The following CHERP variants were observed in gnomAD, a reference collection of about 807,000 sequenced individuals.
The protein encoded by CHERP is calcium homeostasis endoplasmic reticulum protein, also known as ERPROT 213-21.
Under a neutral mutation model 113.8 loss-of-function variants are expected in CHERP, and 8 were observed. That is an observed-to-expected ratio of 0.07 (90% CI 0.04 to 0.13). The LOEUF is 0.13. Ranked by LOEUF, CHERP falls within the 10% of genes least tolerant of loss-of-function variation. The probability of loss-of-function intolerance (pLI) is 1.00; values close to 1 mark genes in which losing one functional copy is unlikely to be tolerated. For synonymous variants in CHERP, 559 were observed against 524.5 expected (o/e 1.07, Z -0.90); for missense variants, 884 against 1,298.2 (o/e 0.68, Z 4.90).
Position 16,519,345 on chromosome 19 carries a change from G to T in CHERP, c.2565C>A (p.Ser855Arg). The T allele has an allele frequency of 6.2e-7, 1 of 1,610,404 alleles. No individual in the cohort carries two copies. Among genetic ancestry groups the T allele is most frequent in the South Asian group, 1.1e-5 (1 of 90,818 alleles). The change falls in exon 17 of 17, where the codon AGC (serine) becomes AGA (arginine). Residue 855 changes from serine to arginine, a missense_variant. By Grantham distance (110) the Ser-to-Arg change is moderately radical. Around this residue, in one of 8 missense-constraint regions of CHERP, gnomAD observed 42 missense variants for 105.1 expected, o/e 0.40. Transcript: ENST00000546361. This position sits in a 1 kb window ranked among gnomAD's most constrained non-coding sequence, Gnocchi z 6.0. Reference sequence around the variant, plus strand: ...CCTTCGCACCGAGGCCGCCTGAGCCGCTCCAGCCTGGAAACAGAGACGCAG... The same window carrying T: ...CCTTCGCACCGAGGCCGCCTGAGCCTCTCCAGCCTGGAAACAGAGACGCAG... Reference protein sequence around the residue: ...GHQMLVKMGWSGSGGLGAKEQ... With the variant: ...GHQMLVKMGWRGSGGLGAKEQ...
In CHERP at chr19:16,532,405, C is replaced by T. The variant is rs1011862464; in HGVS notation, c.674+193G>A. 4 of 644,464 alleles carry T rather than the reference C, an allele frequency of 6.2e-6. No individual in the cohort carries two copies. The highest frequency in any genetic ancestry group is 4.0e-5 in the South Asian group (2 of 50,048). The allele number at this position is 644,464 out of a possible 1,614,324, so 39.9% of individuals were successfully genotyped here. Reference sequence around the variant, plus strand: ...GGGCATGCAGCGAAGGTGCACAGGACACCTAGACCTCGCAGTCCTGGAGAC... The same window carrying T: ...GGGCATGCAGCGAAGGTGCACAGGATACCTAGACCTCGCAGTCCTGGAGAC... On this transcript the variant is annotated intron_variant, in intron 5 of 16. Coordinates refer to ENST00000546361, the MANE Select transcript of CHERP (RefSeq NM_006387.6). The surrounding 1 kb of genome is among the most constrained non-coding windows in gnomAD (Gnocchi z 4.4).
At position 16,526,139 on chromosome 19, in the gene CHERP, C is replaced by G. The variant is rs371016287; in HGVS notation, c.1306-462G>C. ...CACTCCCCCTCTCCCCAAAAGCCGTCTGCTGGGCAGATACACTGCGGCACA... is the reference window on the plus strand; with the variant it reads ...CACTCCCCCTCTCCCCAAAAGCCGTGTGCTGGGCAGATACACTGCGGCACA... On this transcript the variant is annotated intron_variant, in intron 9 of 16. Coordinates refer to ENST00000546361, the MANE Select transcript of CHERP (RefSeq NM_006387.6). The G allele has an allele frequency of 2.3e-4, 39 of 167,054 alleles. No homozygotes were observed. In the South Asian group the frequency reaches 5.8e-3, roughly 25 times the overall value. The allele number at this position is 167,054 out of a possible 1,614,324, so 10.3% of individuals were successfully genotyped here.
In CHERP at chr19:16,535,728, T is replaced by A; in HGVS notation, c.200-92A>T. On this transcript the variant is annotated intron_variant, in intron 2 of 16. Transcript: ENST00000546361. This position sits in a 1 kb window ranked among gnomAD's most constrained non-coding sequence, Gnocchi z 4.3. The stretch of plus-strand genomic sequence containing the variant: ...CCTCTCAGCCACAGGGGCCTCCCCC[T>A]CCCCAGGGACTCACCATCCACGAGG... The A allele has an allele frequency of 8.0e-7, 1 of 1,246,888 alleles. No individual in the cohort carries two copies. The highest frequency in any genetic ancestry group is 1.1e-6 in the Non-Finnish European group (1 of 927,528). 77.2% of individuals were successfully genotyped at this position (1,246,888 alleles called of 1,614,324 possible).
Position 16,532,905 on chromosome 19 carries a change from GA to G in CHERP, c.522+105del. 6.6e-7 allele frequency: 1 copy of G among 1,508,756 alleles called. No homozygotes were observed. Among genetic ancestry groups the G allele is most frequent in the Non-Finnish European group, 8.9e-7 (1 of 1,119,648 alleles). The allele number at this position is 1,508,756 out of a possible 1,614,324, so 93.5% of individuals were successfully genotyped here. Reference sequence around the variant, plus strand: ...AGCCTCAGGAGCTCCAGGCGGGAGGGAAGGGCACCCATTGTAACAGCCCTTA... The same window carrying G: ...AGCCTCAGGAGCTCCAGGCGGGAGGGAGGGCACCCATTGTAACAGCCCTTA... On this transcript the variant is annotated intron_variant, in intron 4 of 16. Transcript: ENST00000546361. The surrounding 1 kb of genome is among the most constrained non-coding windows in gnomAD (Gnocchi z 4.4).
intron 3 of CHERP, among the ~76,000 whole-genome samples, 198 bp from the exon 4 acceptor site, chr19:16,533,346 TC>T (rs2085719934): frequency 6.6e-6 from 1 of 152,180 alleles, no homozygotes; most frequent in South Asian, 2.1e-4. Context: ...TCTGTGACAG[TC>T]CCTCCTGGAG....
At chr19:16,541,164 G>A (rs1246732894) in intron 2 of CHERP, 1 of 152,146 alleles carries the variant, frequency 6.6e-6, no homozygotes, top group African/African-American at 2.4e-5. Context: ...CACAATTGGC[G>A]TTCGATCAAA....
Position 16,533,141 on chromosome 19 carries a change from A to T in CHERP, c.392T>A (p.Val131Glu). The T allele has an allele frequency of 6.3e-7, 1 of 1,586,164 alleles. No individual in the cohort carries two copies. Among genetic ancestry groups the T allele is most frequent in the Non-Finnish European group, 8.6e-7 (1 of 1,166,586 alleles). Residue 131 changes from valine (V) to glutamate (E), a missense_variant, in exon 4 of 17, where the codon GTG becomes GAG. This residue lies in a region of CHERP where 109 missense variants were observed against 134.2 expected (regional missense o/e 0.81). Transcript: ENST00000546361. ...CACCGCGTGGGCCACGGCCGCTGTC[A>T]CTTGCTCCTGCGGGCGGGGGTCGGT... ...QHLLALRQEQ[V>E]TAAVAHAVEQ...
In CHERP at chr19:16,526,762, A is replaced by G. The variant is rs376116324; in HGVS notation, c.1306-1085T>C. ...ATTACAGGCGTTAGCCACCACGCCC[A>G]GCCTTGCTTTTCTTTTTTAGAGACA... On this transcript the variant is annotated intron_variant, in intron 9 of 16. Coordinates refer to ENST00000546361, the MANE Select transcript of CHERP (RefSeq NM_006387.6). Among the ~76,000 whole-genome samples, 4 of 151,126 alleles carry G rather than the reference A, an allele frequency of 2.6e-5. No individual in the cohort carries two copies. The East Asian group carries it at 5.9e-4, about 22-fold the overall frequency.
rs1391707816 is a variant in CHERP, at chr19:16,525,861, A to G, written c.1306-184T>C. On this transcript the variant is annotated intron_variant, in intron 9 of 16. Coordinates refer to ENST00000546361, the MANE Select transcript of CHERP (RefSeq NM_006387.6). The surrounding 1 kb of genome is among the most constrained non-coding windows in gnomAD (Gnocchi z 6.5). ...GGCACCTGCTCTCAGCCCGCACCAC[A>G]TGCTGCTGCAAAATGACCAGACACC... Among the ~76,000 whole-genome samples, 3 of 152,016 alleles carry G rather than the reference A, an allele frequency of 2.0e-5. No homozygotes were observed. Among genetic ancestry groups the G allele is most frequent in the Admixed American group, 1.3e-4 (2 of 15,272 alleles).
chr19:16,520,616 A>G lies in CHERP; in HGVS notation c.2202-109T>C. The G allele has an allele frequency of 7.6e-7, 1 of 1,311,838 alleles. No individual in the cohort carries two copies. The highest frequency in any genetic ancestry group is 1.3e-5 in the South Asian group (1 of 74,434). 81.3% of individuals were successfully genotyped at this position (1,311,838 alleles called of 1,614,324 possible). On this transcript the variant is annotated intron_variant, in intron 13 of 16. Transcript: ENST00000546361. This position sits in a 1 kb window ranked among gnomAD's most constrained non-coding sequence, Gnocchi z 4.0. ...CCAGATGCAGGGGCTCTGGCTGTGG[A>G]TGTGGCGCCATAGCCACAGCAACGG...
In CHERP at chr19:16,532,207, G is replaced by A. The variant is rs568864001; in HGVS notation, c.674+391C>T. On this transcript the variant is annotated intron_variant, in intron 5 of 16. Coordinates refer to ENST00000546361, the MANE Select transcript of CHERP (RefSeq NM_006387.6). This position sits in a 1 kb window ranked among gnomAD's most constrained non-coding sequence, Gnocchi z 4.4. ...AAGTCAGGTGACCGCGTGTGTGTGC[G>A]TGCAAATCAGTGACGAGGGCAGGAG... 6 of 189,670 alleles carry A rather than the reference G, an allele frequency of 3.2e-5. No homozygotes were observed. In the East Asian group the frequency reaches 4.4e-4, roughly 14 times the overall value. The allele number at this position is 189,670 out of a possible 1,614,324, so 11.7% of individuals were successfully genotyped here. A position where few individuals can be genotyped will look rare whatever the true frequency, so the allele number is the denominator to read the frequency against.
At chr19:16,522,532 T>G (rs1051153192) in intron 11 of CHERP, among the ~76,000 whole-genome samples, 3 of 152,156 alleles carry the variant, frequency 2.0e-5, no homozygotes, top group African/African-American at 7.2e-5. Context: ...GTGCTGGGAT[T>G]ACAGGTGTGA....
At chr19:16,540,475 C>G (rs1039219960) in intron 2 of CHERP, among the ~76,000 whole-genome samples, 1 of 151,550 alleles carries the variant, frequency 6.6e-6, no homozygotes, top group African/African-American at 2.4e-5. Flanking sequence ...CAGGTTCAAG[C>G]GATTCTTCTG....
At chr19:16,539,205 T>C (rs1348372282) in intron 2 of CHERP, among the ~76,000 whole-genome samples, 2 of 147,780 alleles carry the variant, frequency 1.4e-5, no homozygotes, top group African/African-American at 5.1e-5. Context: ...TGGAGTGCAG[T>C]GGTGCGATCT....
In CHERP at chr19:16,529,752, AGCTGCTGCTGCTGCTGTTGCTGCTGCT is replaced by A; in HGVS notation, c.998_1024del (p.Gln333_Gln341del). ...TTCAGCCTCCATCTGCGGCATCTGGAGCTGCTGCTGCTGCTGTTGCTGCTGCTGCTGCTGCTGGGCCAGGCTGGTGAC... is the reference window on the plus strand; with the variant it reads ...TTCAGCCTCCATCTGCGGCATCTGGAGCTGCTGCTGGGCCAGGCTGGTGAC... On this transcript the variant is annotated inframe_deletion, in exon 8 of 17. Coordinates refer to ENST00000546361, the MANE Select transcript of CHERP (RefSeq NM_006387.6). 1 of 1,611,706 alleles carries A rather than the reference AGCTGCTGCTGCTGCTGTTGCTGCTGCT, an allele frequency of 6.2e-7. No individual in the cohort carries two copies. Among genetic ancestry groups the A allele is most frequent in the South Asian group, 1.1e-5 (1 of 90,996 alleles).
intron 5 of CHERP, among the ~76,000 whole-genome samples, chr19:16,531,660 CTG>C (rs1484558703): frequency 2.0e-5 from 3 of 152,208 alleles, no homozygotes; most frequent in African/African-American, 4.8e-5. Flanking sequence ...ATGCGGGAAA[CTG>C]TGCATCCGTG....
Position 16,542,340 on chromosome 19 carries a change from G to T in CHERP, c.25+14C>A, listed in dbSNP as rs763326954. On this transcript the variant is annotated intron_variant, in intron 1 of 16. Coordinates refer to ENST00000546361, the MANE Select transcript of CHERP (RefSeq NM_006387.6). ...GGGAGAGAGAAACGGTCTCTCGGCC[G>T]GTTTGGGTCTCACCATCGGGGGGCA... 3 of 1,414,344 alleles carry T rather than the reference G, an allele frequency of 2.1e-6. No individual in the cohort carries two copies. The highest frequency in any genetic ancestry group is 1.5e-5 in the African/African-American group (1 of 66,852). The allele number at this position is 1,414,344 out of a possible 1,614,324, so 87.6% of individuals were successfully genotyped here. A position where few individuals can be genotyped will look rare whatever the true frequency, so the allele number is the denominator to read the frequency against.
intron 8 of CHERP, 31 bp from the exon 9 acceptor site, chr19:16,528,286 G>A: frequency 2.0e-6 from 3 of 1,536,956 alleles, no homozygotes; most frequent in South Asian, 2.6e-5. Context: ...GTTAGAGCAG[G>A]CCTGGCAGCA....
At position 16,542,040 on chromosome 19, in the gene CHERP, T is replaced by A; in HGVS notation, c.29A>T (p.Gln10Leu). MEMPLPPDD[Q>L]ELRNVIDKLA... ...CTTGTCGATGACATTTCGAAGCTCC[T>A]GGTCTGGAGGACGGAGAAAAGGCCA... Residue 10 changes from glutamine (Q) to leucine (L), a missense_variant, in exon 2 of 17, where the codon CAG (glutamine) becomes CTG (leucine). Gln to Leu is a moderately radical substitution (Grantham distance 113, BLOSUM62 -2). Coordinates refer to ENST00000546361, the MANE Select transcript of CHERP (RefSeq NM_006387.6). 1.2e-6 allele frequency: 2 copies of A among 1,610,602 alleles called. No individual in the cohort carries two copies. The highest frequency in any genetic ancestry group is 2.2e-5 in the South Asian group (2 of 90,808).
Sources: allele counts gnomAD v4.1 joint callset (sites outside exome capture counted in the v4.1 genomes callset), GRCh38; gene constraint gnomAD v4.1.1; regional missense constraint gnomAD v4.1.1; non-coding constraint Gnocchi (gnomAD v3.1); transcripts MANE v1.5; gene names NCBI Gene and HGNC (gene_info 2026-07-23, HGNC 2026-07-21).